The following WWP2 variants were observed in gnomAD, a reference collection of about 807,000 sequenced individuals.
WWP2 encodes the protein NEDD4-like E3 ubiquitin-protein ligase WWP2.
WWP2 carries 57 observed loss-of-function variants against 121.0 expected under a neutral mutation model. That is an observed-to-expected ratio of 0.47 (90% CI 0.38 to 0.59). WWP2 has a LOEUF of 0.59. Among genes scored for constraint, WWP2 ranks in the 20% least tolerant of loss-of-function variants. The pLI is 0.00. For synonymous variants in WWP2, 449 were observed against 441.3 expected (o/e 1.02, Z -0.22); for missense variants, 962 against 1,158.9 (o/e 0.83, Z 2.47).
chr16:69,816,819 A>G (rs1303187884), intron 4 of WWP2, among the ~76,000 whole-genome samples: 1 of 152,156 alleles, frequency 6.6e-6, no homozygotes, highest in Non-Finnish European at 1.5e-5. Context: ...GCACACACAT[A>G]TATGTGTAAA....
At chr16:69,788,952 A>G (rs1267811133) in intron 2 of WWP2, among the ~76,000 whole-genome samples, 2 of 152,204 alleles carry the variant, frequency 1.3e-5, no homozygotes, top group Non-Finnish European at 2.9e-5. Context: ...CTGGTCCTCC[A>G]GAGGCAAAAT....
At chr16:69,796,358 G>C (rs1054717708) in intron 2 of WWP2, among the ~76,000 whole-genome samples, 1 of 152,112 alleles carries the variant, frequency 6.6e-6, no homozygotes, top group Admixed American at 6.6e-5. Context: ...CTAATCTGCC[G>C]AGCATCATAG....
chr16:69,886,661 G>C (rs2057930978), intron 7 of WWP2, among the ~76,000 whole-genome samples: 1 of 152,194 alleles, frequency 6.6e-6, no homozygotes, highest in East Asian at 1.9e-4. Context: ...TTGGGAGACT[G>C]AGGCATGAGA....
intron 1 of WWP2, among the ~76,000 whole-genome samples, chr16:69,784,804 A>G (rs1258042696): frequency 1.3e-5 from 2 of 152,198 alleles, no homozygotes; most frequent in Non-Finnish European, 2.9e-5. Flanking sequence ...TTAAACATCT[A>G]ACAGACAAAT....
At chr16:69,869,295 G>C (rs2151913258) in intron 6 of WWP2, among the ~76,000 whole-genome samples, 1 of 151,868 alleles carries the variant, frequency 6.6e-6, no homozygotes, top group African/African-American at 2.4e-5. Flanking sequence ...CCATTGCCAT[G>C]CAGTGTTTAG....
intron 1 of WWP2, among the ~76,000 whole-genome samples, chr16:69,774,485 G>C (rs771788124): frequency 6.6e-6 from 1 of 152,108 alleles, no homozygotes; most frequent in African/African-American, 2.4e-5. Context: ...TCGAACTCCT[G>C]GATTCAAGTG....
At chr16:69,808,593 G>A (rs1375976134) in intron 4 of WWP2, among the ~76,000 whole-genome samples, 1 of 152,134 alleles carries the variant, frequency 6.6e-6, no homozygotes, top group Non-Finnish European at 1.5e-5. Context: ...GCAGAGACAG[G>A]GTTTCGCCAT....
At chr16:69,866,479 C>G (rs1329493725) in intron 6 of WWP2, among the ~76,000 whole-genome samples, 2 of 151,954 alleles carry the variant, frequency 1.3e-5, no homozygotes, top group African/African-American at 2.4e-5. Context: ...CCCCCTCTCC[C>G]TAGCTCCTTG....
chr16:69,887,922 A>G (rs1037843143), intron 7 of WWP2, 117 bp from the exon 8 acceptor site: 5 of 1,266,246 alleles, frequency 3.9e-6, no homozygotes, highest in Non-Finnish European at 4.4e-6. Context: ...CTGTCGCCCA[A>G]TACATGTAGT....
intron 4 of WWP2, among the ~76,000 whole-genome samples, chr16:69,836,292 C>CTTTTTTTTT (rs66633306): frequency 6.9e-6 from 1 of 145,856 alleles, no homozygotes. Flanking sequence ...ATCCTGCCTC[C>CTTTTTTTTT]TTTTTTTTTT....
At chr16:69,790,487 G>A (rs2055886322) in intron 2 of WWP2, among the ~76,000 whole-genome samples, 1 of 152,128 alleles carries the variant, frequency 6.6e-6, no homozygotes. Flanking sequence ...CTCTTGGGTG[G>A]CAAAGGCAGG....
rs943208875 is a variant in WWP2, at chr16:69,799,391, G to C, written c.340+96G>C. ...TATTGCAATTTCCCCCAGGACTAGG[G>C]GCTGCAGTACCTCTGTTCTCCTTGG... On this transcript the variant is annotated intron_variant, in intron 4 of 23. Transcript: ENST00000359154. This position sits in a 1 kb window ranked among gnomAD's most constrained non-coding sequence, Gnocchi z 4.5. 2.7e-6 allele frequency: 4 copies of C among 1,495,736 alleles called. No homozygotes were observed. Among genetic ancestry groups the C allele is most frequent in the Admixed American group, 4.4e-5 (2 of 45,778 alleles). The allele number at this position is 1,495,736 out of a possible 1,614,324, so 92.7% of individuals were successfully genotyped here.
At chr16:69,934,689 A>G (rs1242448993) in intron 17 of WWP2, among the ~76,000 whole-genome samples, 1 of 149,796 alleles carries the variant, frequency 6.7e-6, no homozygotes, top group Non-Finnish European at 1.5e-5. Flanking sequence ...GTAGAACAAA[A>G]CGTAAAGTCT....
At chr16:69,875,693 C>T (rs1311808022) in intron 7 of WWP2, among the ~76,000 whole-genome samples, 1 of 152,218 alleles carries the variant, frequency 6.6e-6, no homozygotes, top group Admixed American at 6.5e-5. Context: ...GACACAACTC[C>T]TAATCTATTC....
At chr16:69,871,630 C>A (rs1259375606) in intron 6 of WWP2, 174 bp from the exon 7 acceptor site, 10 of 869,584 alleles carry the variant, frequency 1.1e-5, no homozygotes, top group Non-Finnish European at 1.5e-5. Context: ...AAGGAAACTT[C>A]CCTGGGTCTC....
chr16:69,873,743 C>T (rs1419790331), intron 7 of WWP2, among the ~76,000 whole-genome samples: 1 of 152,126 alleles, frequency 6.6e-6, no homozygotes, highest in Non-Finnish European at 1.5e-5. Context: ...CAGCTGATTC[C>T]CAGGTGCCAT....
At chr16:69,774,009 A>T (rs1203209444) in intron 1 of WWP2, among the ~76,000 whole-genome samples, 1 of 151,840 alleles carries the variant, frequency 6.6e-6, no homozygotes, top group Non-Finnish European at 1.5e-5. Context: ...GACCAATTAA[A>T]TGGGAATCTC....
intron 13 of WWP2, 125 bp from the exon 14 acceptor site, chr16:69,931,027 C>T (rs749980432): frequency 2.5e-5 from 22 of 867,614 alleles, no homozygotes; most frequent in Admixed American, 4.5e-5. Flanking sequence ...ATGACAGTCA[C>T]TTCCTCACCT....
chr16:69,871,756 C>T, intron 6 of WWP2, 48 bp from the exon 7 acceptor site: 1 of 1,608,394 alleles, frequency 6.2e-7, no homozygotes, highest in Non-Finnish European at 8.5e-7. Context: ...CACTTCTGTC[C>T]TTTTCACAGT....
Sources: gnomAD v4.1 joint callset for allele counts (sites outside exome capture counted in the v4.1 genomes callset) on GRCh38, gnomAD v4.1.1 for gene constraint, Gnocchi (gnomAD v3.1) non-coding constraint, MANE v1.5 for transcripts, NCBI Gene and HGNC (gene_info 2026-07-23, HGNC 2026-07-21) for gene names.